Variants in MLIP observed in about 807,000 individuals in gnomAD.
MLIP encodes muscular LMNA-interacting protein.
In MLIP, 79 loss-of-function variants were observed where a neutral mutation model predicts 84.8. That is an observed-to-expected ratio of 0.93 (90% CI 0.78 to 1.12). The LOEUF is 1.12. Among genes scored for constraint, MLIP ranks in the 50% most tolerant of loss-of-function variants. The pLI is 0.00. For missense variants in MLIP, 1,257 were observed against 1,160.6 expected, an observed-to-expected ratio of 1.08 and a Z score of -1.21; for synonymous variants, 504 against 463.0, an observed-to-expected ratio of 1.09 and a Z score of -1.14.
chr6:54,227,173 G>C (rs144631276), intron 11 of MLIP, among the ~76,000 whole-genome samples: 21 of 152,038 alleles, frequency 1.4e-4, no homozygotes, highest in Non-Finnish European at 2.2e-4. Flanking sequence ...GCCTCCCTTC[G>C]GCCATAATTA....
intron 1 of MLIP, among the ~76,000 whole-genome samples, chr6:54,058,475 A>G (rs1470999599): frequency 6.6e-6 from 1 of 152,220 alleles, no homozygotes; most frequent in Middle Eastern, 3.2e-3. Context: ...GCCTTTATCT[A>G]ACCAGCACTG....
intron 1 of MLIP, among the ~76,000 whole-genome samples, chr6:54,100,993 C>T (rs1447406640): frequency 2.0e-5 from 3 of 152,100 alleles, no homozygotes; most frequent in Admixed American, 6.6e-5. Flanking sequence ...TAATCTTTTA[C>T]AAATATATAT....
At chr6:54,095,745 A>G (rs1450003983) in intron 1 of MLIP, among the ~76,000 whole-genome samples, 3 of 152,198 alleles carry the variant, frequency 2.0e-5, no homozygotes, top group Non-Finnish European at 4.4e-5. Flanking sequence ...GAAGAGTAAA[A>G]ACAACAGCGG....
chr6:54,201,853 G>A (rs1778703672), intron 10 of MLIP, among the ~76,000 whole-genome samples: 1 of 152,166 alleles, frequency 6.6e-6, no homozygotes, highest in Non-Finnish European at 1.5e-5. Context: ...GGTAGAACAT[G>A]TTTGCATTTT....
intron 1 of MLIP, among the ~76,000 whole-genome samples, chr6:54,061,524 T>G (rs1429044234): frequency 6.6e-6 from 1 of 152,220 alleles, no homozygotes; most frequent in Admixed American, 6.5e-5. Context: ...CTGTTATTAT[T>G]ATTTCATTGT....
At chr6:54,225,865 G>A (rs1780541851) in intron 11 of MLIP, among the ~76,000 whole-genome samples, 1 of 152,162 alleles carries the variant, frequency 6.6e-6, no homozygotes, top group African/African-American at 2.4e-5. Flanking sequence ...TTGTAAAGAT[G>A]TACTGTAAAG....
In MLIP at chr6:54,257,377, G is replaced by A. The variant is rs186664446; in HGVS notation, c.2976+16G>A. ...TTCCAAAGAGGTAAATGTAAGATAGGACTGGATATCTAATTATCCATTTCT... is the reference window on the plus strand; with the variant it reads ...TTCCAAAGAGGTAAATGTAAGATAGAACTGGATATCTAATTATCCATTTCT... On this transcript the variant is annotated intron_variant, in intron 13 of 13. Coordinates refer to ENST00000502396, the MANE Select transcript of MLIP (RefSeq NM_001281747.2). 7.2e-4 allele frequency: 1,136 copies of A among 1,569,492 alleles called. 1 individual carries two copies. The highest frequency in any genetic ancestry group is 9.4e-4 in the Non-Finnish European group (1,072 of 1,141,782).
chr6:54,162,460 A>G (rs557877360), intron 8 of MLIP, among the ~76,000 whole-genome samples: 1 of 152,020 alleles, frequency 6.6e-6, no homozygotes, highest in Admixed American at 6.6e-5. Context: ...TTGGATTCCA[A>G]AGAAAATGGG....
chr6:54,185,848 G>A (rs922464717), intron 9 of MLIP, among the ~76,000 whole-genome samples: 1 of 152,144 alleles, frequency 6.6e-6, no homozygotes, highest in Non-Finnish European at 1.5e-5. Context: ...ATTCCATTAT[G>A]AGGTTAATAA....
intron 12 of MLIP, among the ~76,000 whole-genome samples, chr6:54,234,446 C>A (rs1029418849): frequency 6.6e-6 from 1 of 152,162 alleles, no homozygotes; most frequent in Non-Finnish European, 1.5e-5. Flanking sequence ...ATCGTCCATT[C>A]TTCTCCATTG....
chr6:54,219,777 A>C (rs1401132283), intron 11 of MLIP, among the ~76,000 whole-genome samples: 1 of 152,178 alleles, frequency 6.6e-6, no homozygotes, highest in African/African-American at 2.4e-5. Context: ...ATATATTCTA[A>C]ATGAGATTCC....
intron 5 of MLIP, among the ~76,000 whole-genome samples, chr6:54,150,726 C>G (rs1773353881): frequency 6.6e-6 from 1 of 152,156 alleles, no homozygotes; most frequent in Non-Finnish European, 1.5e-5. Context: ...TGAGATAAGA[C>G]TAGATGTCAG....
chr6:54,075,676 G>T (rs1038860433), intron 1 of MLIP, among the ~76,000 whole-genome samples: 10 of 152,016 alleles, frequency 6.6e-5, no homozygotes, highest in Non-Finnish European at 1.3e-4. Context: ...CATTTCTATG[G>T]GTCTATAGTC....
In MLIP at chr6:54,064,127, A is replaced by T. The variant is rs574606217; in HGVS notation, c.63+45036A>T. Among the ~76,000 whole-genome samples the T allele has an allele frequency of 5.0e-5, 5 of 100,236 alleles. 2 individuals are homozygous for T. The South Asian group carries it at 1.8e-3, about 35-fold the overall frequency. The allele number at this position is 100,236 out of a possible 152,430, so 65.8% of individuals were successfully genotyped here. ...TTGACTTAAAATTAAGAGACTGAGAAATGATAGACTCCTTTTAATTTTCAT... is the reference window on the plus strand; with the variant it reads ...TTGACTTAAAATTAAGAGACTGAGATATGATAGACTCCTTTTAATTTTCAT... On this transcript the variant is annotated intron_variant, in intron 1 of 12. Transcript: ENST00000274897.
chr6:54,255,674 T>G (rs1782959239), intron 12 of MLIP, among the ~76,000 whole-genome samples: 1 of 152,200 alleles, frequency 6.6e-6, no homozygotes, highest in South Asian at 2.1e-4. Flanking sequence ...GGATTAAAAT[T>G]ACTGAATACC....
intron 4 of MLIP, among the ~76,000 whole-genome samples, chr6:54,139,628 A>G (rs941812987): frequency 6.6e-6 from 1 of 152,166 alleles, no homozygotes; most frequent in African/African-American, 2.4e-5. Flanking sequence ...GGATTACATC[A>G]GTTAAGTTTT....
In MLIP at chr6:54,215,174, G is replaced by T. The variant is rs1336650381; in HGVS notation, c.2718+12941G>T. 5.2e-6 allele frequency: 8 copies of T among 1,535,502 alleles called. No homozygotes were observed. In the African/African-American group the frequency reaches 9.6e-5, roughly 18 times the overall value. The stretch of plus-strand genomic sequence containing the variant: ...TCTGTGGACTCCTACTGCAACGGAA[G>T]TGACACGTCTGGTCCTTGGCTCCTC... On this transcript the variant is annotated intron_variant, in intron 11 of 13. Transcript: ENST00000502396.
At chr6:54,217,968 G>A (rs1425270367) in intron 11 of MLIP, 60 of 985,304 alleles carry the variant, frequency 6.1e-5, no homozygotes, top group East Asian at 1.1e-4. Context: ...CAAGTTAGAC[G>A]TGATAGAGAT....
chr6:54,157,585 T>C (rs2150552376), intron 5 of MLIP, among the ~76,000 whole-genome samples: 1 of 152,174 alleles, frequency 6.6e-6, no homozygotes, highest in Non-Finnish European at 1.5e-5. Flanking sequence ...CCCCCTTCCC[T>C]GGACTGTGAG....
Sources: allele counts gnomAD v4.1 joint callset (sites outside exome capture counted in the v4.1 genomes callset), GRCh38; gene constraint gnomAD v4.1.1; transcripts MANE v1.5; gene names NCBI Gene and HGNC (gene_info 2026-07-23, HGNC 2026-07-21).